Variants in TEK observed in about 807,000 individuals in gnomAD.
TEK encodes the protein TEK receptor tyrosine kinase.
A neutral mutation model predicts 131.8 loss-of-function variants in TEK; 43 were observed. The ratio of observed to expected loss-of-function variants is 0.33; its 90% CI spans 0.26 to 0.42. TEK has a LOEUF of 0.42. TEK is among the 10% of genes least tolerant of loss of function. TEK has a pLI of 1.00. For missense variants in TEK, 1,162 were observed against 1,384.4 expected (o/e 0.84, Z 2.55); for synonymous variants, 580 against 491.6 (o/e 1.18, Z -2.38).
chr9:27,182,238 G>T (rs1204999971), intron 7 of TEK, among the ~76,000 whole-genome samples: 1 of 152,146 alleles, frequency 6.6e-6, no homozygotes, highest in Non-Finnish European at 1.5e-5. Flanking sequence ...TGTCACTAGG[G>T]CTTTCAGAGA....
chr9:27,142,891 G>C (rs938369857), intron 1 of TEK, among the ~76,000 whole-genome samples: 1 of 152,168 alleles, frequency 6.6e-6, no homozygotes, highest in Non-Finnish European at 1.5e-5. Context: ...AACAATGCAC[G>C]TTAAAGTAAC....
chr9:27,191,858 A>C, intron 10 of TEK: 1 of 447,098 alleles, frequency 2.2e-6, no homozygotes, highest in Non-Finnish European at 4.5e-6. Context: ...AGAACTGTTA[A>C]ACACATCCCA....
chr9:27,129,364 C>G (rs574097408), intron 1 of TEK, among the ~76,000 whole-genome samples: 1 of 152,236 alleles, frequency 6.6e-6, no homozygotes, highest in Non-Finnish European at 1.5e-5. Flanking sequence ...AAGTAGATAT[C>G]TCTCTGTTCT....
Position 27,223,222 on chromosome 9 carries a change from C to G in TEK, c.3200+3077C>G, listed in dbSNP as rs1826164777. On this transcript the variant is annotated intron_variant, in intron 21 of 22. Transcript: ENST00000380036. ...ATCAATATTAGACGGATCAACGAGACAGAAGATTAACAAGGATATTCAGGA... is the reference window on the plus strand; with the variant it reads ...ATCAATATTAGACGGATCAACGAGAGAGAAGATTAACAAGGATATTCAGGA... Among the ~76,000 whole-genome samples, 7 of 152,102 alleles carry G rather than the reference C, an allele frequency of 4.6e-5. No homozygotes were observed. The South Asian group carries it at 1.4e-3, about 31-fold the overall frequency.
chr9:27,209,480 A>T (rs1029935304), intron 16 of TEK, among the ~76,000 whole-genome samples: 1 of 152,096 alleles, frequency 6.6e-6, no homozygotes, highest in Admixed American at 6.5e-5. Context: ...AAAGGTATTC[A>T]TGGCTCCTAC....
rs538331724 is a variant in TEK, at chr9:27,200,217, C to T, written c.1910-2603C>T. 9.9e-5 allele frequency among the ~76,000 whole-genome samples: 15 copies of T among 152,150 alleles called. No homozygotes were observed. In the South Asian group the frequency reaches 3.1e-3, roughly 31 times the overall value. On this transcript the variant is annotated intron_variant, in intron 12 of 22. Transcript: ENST00000380036. ...GTTCCCTTCCATTGATCTGTTTGTT[C>T]CTGTACCATTTCCAGCATATTAACT...
intron 14 of TEK, 140 bp from the exon 15 acceptor site, chr9:27,206,442 A>C: frequency 1.9e-6 from 2 of 1,033,638 alleles, no homozygotes; most frequent in Non-Finnish European, 2.9e-6. Context: ...CTGTGTGATG[A>C]AAACCTATTT....
Position 27,211,993 on chromosome 9 carries a change from T to TTAA in TEK, c.2687-714_2687-713insTAA, listed in dbSNP as rs1554701295. Among the ~76,000 whole-genome samples, 73 of 144,088 alleles carry TTAA rather than the reference T, an allele frequency of 5.1e-4. No homozygotes were observed. In the East Asian group the frequency reaches 0.015, roughly 29 times the overall value. 94.5% of individuals were successfully genotyped at this position (144,088 alleles called of 152,430 possible). On this transcript the variant is annotated intron_variant, in intron 16 of 22. Coordinates refer to ENST00000380036, the MANE Select transcript of TEK (RefSeq NM_000459.5). Reference sequence around the variant, plus strand: ...CAAAACTGGGCAAATAACGTTTTATTAAAAAAAAAAAGAGAGAGAGAAATG... The same window carrying TTAA: ...CAAAACTGGGCAAATAACGTTTTATTTAAAAAAAAAAAAAGAGAGAGAGAAATG...
At chr9:27,205,179 C>A in intron 14 of TEK, 114 bp downstream of exon 14, 1 of 1,305,556 alleles carries the variant, frequency 7.7e-7, no homozygotes, top group Non-Finnish European at 1.1e-6. Flanking sequence ...TTCCCTTAGG[C>A]AAGCCTCATC....
intron 1 of TEK, among the ~76,000 whole-genome samples, chr9:27,154,813 A>G (rs1335370405): frequency 6.6e-6 from 1 of 152,194 alleles, no homozygotes; most frequent in East Asian, 1.9e-4. Flanking sequence ...GTAGCGAAGT[A>G]TAGTCAAGTC....
At chr9:27,180,114 A>C in intron 6 of TEK, 126 bp from the exon 7 acceptor site, 1 of 1,366,842 alleles carries the variant, frequency 7.3e-7, no homozygotes, top group Non-Finnish European at 1.0e-6. Context: ...CAGATAAATT[A>C]CCCCCTACCT....
At chr9:27,218,673 A>G (rs2131242445) in intron 19 of TEK, 104 bp from the exon 20 acceptor site, 1 of 1,176,276 alleles carries the variant, frequency 8.5e-7, no homozygotes, top group South Asian at 1.2e-5. Context: ...GACATTTAAC[A>G]TCTCCTTTTC....
At chr9:27,138,098 C>T (rs1402249452) in intron 1 of TEK, among the ~76,000 whole-genome samples, 1 of 152,050 alleles carries the variant, frequency 6.6e-6, no homozygotes, top group African/African-American at 2.4e-5. Context: ...TCTCACTGAC[C>T]TCAGGAGTGA....
chr9:27,228,113 A>T, intron 21 of TEK, 93 bp from the exon 22 acceptor site: 2 of 1,036,964 alleles, frequency 1.9e-6, no homozygotes, highest in Non-Finnish European at 3.0e-6. Context: ...ATAACCATGC[A>T]TTGGGTGGCT....
At chr9:27,156,855 C>T (rs1287108016) in intron 1 of TEK, among the ~76,000 whole-genome samples, 1 of 152,100 alleles carries the variant, frequency 6.6e-6, no homozygotes, top group Non-Finnish European at 1.5e-5. Context: ...TTGTTTTATG[C>T]ACATTTGAGA....
At position 27,172,655 on chromosome 9, in the gene TEK, T is replaced by C; in HGVS notation, c.668T>C (p.Leu223Pro). 2 of 1,613,750 alleles carry C rather than the reference T, an allele frequency of 1.2e-6. No individual in the cohort carries two copies. The highest frequency in any genetic ancestry group is 1.7e-6 in the Non-Finnish European group (2 of 1,179,712). ...AAGTGGGGACCTGAATGCAACCATCTCTGTACTGCTTGTATGAACAATGGT... is the reference window on the plus strand; with the variant it reads ...AAGTGGGGACCTGAATGCAACCATCCCTGTACTGCTTGTATGAACAATGGT... ...AQKWGPECNH[L>P]CTACMNNGVC... The change falls in exon 5 of 23, where the codon CTC (leucine) becomes CCC (proline). Residue 223 changes from leucine (L) to proline (P), a missense_variant. Physicochemically the swap from Leu to Pro is moderately conservative, Grantham distance 98 (BLOSUM62 -3). Coordinates refer to ENST00000380036, the MANE Select transcript of TEK (RefSeq NM_000459.5).
chr9:27,220,177 T>C (rs370239650), intron 21 of TEK, 32 bp downstream of exon 21: 93 of 1,607,686 alleles, frequency 5.8e-5, no homozygotes, highest in Non-Finnish European at 7.6e-5. Context: ...GGCTATTTTG[T>C]CTTACCTTCC....
chr9:27,175,602 C>T (rs1587553133), intron 6 of TEK, among the ~76,000 whole-genome samples: 1 of 150,936 alleles, frequency 6.6e-6, no homozygotes, highest in Non-Finnish European at 1.5e-5. Flanking sequence ...TCAGTCCCAC[C>T]AACAGTGTAA....
At chr9:27,130,897 C>A (rs1822189052) in intron 1 of TEK, among the ~76,000 whole-genome samples, 1 of 151,632 alleles carries the variant, frequency 6.6e-6, no homozygotes, top group African/African-American at 2.4e-5. Flanking sequence ...CAAAACAAAA[C>A]CTCATTGAAA....
Sources: gnomAD v4.1 joint callset for allele counts (sites outside exome capture counted in the v4.1 genomes callset) on GRCh38, gnomAD v4.1.1 for gene constraint, MANE v1.5 for transcripts, NCBI Gene and HGNC (gene_info 2026-07-23, HGNC 2026-07-21) for gene names.